Variants in SAMD12 observed in about 807,000 individuals in gnomAD.
SAMD12 encodes the protein sterile alpha motif domain-containing protein 12.
SAMD12 carries 9 observed loss-of-function variants against 15.0 expected under a neutral mutation model. The ratio of observed to expected loss-of-function variants is 0.60; its 90% CI spans 0.36 to 1.05. The LOEUF is 1.05. Ranked by LOEUF, SAMD12 falls within the 50% of genes least tolerant of loss-of-function variation. The pLI, the probability that SAMD12 is intolerant of heterozygous loss-of-function variation, is 0.01. For synonymous variants in SAMD12, 86 were observed against 90.1 expected, an observed-to-expected ratio of 0.96 and a Z score of 0.25; for missense variants, 230 against 234.2, an observed-to-expected ratio of 0.98 and a Z score of 0.12.
chr8:118,288,671 C>A (rs1814191547), intron 4 of SAMD12, among the ~76,000 whole-genome samples: 1 of 152,112 alleles, frequency 6.6e-6, no homozygotes, highest in Non-Finnish European at 1.5e-5. Flanking sequence ...GAAAAAATAA[C>A]TTTGAAGATG....
At chr8:118,401,023 TG>T (rs1259817294) in intron 3 of SAMD12, among the ~76,000 whole-genome samples, 3 of 152,258 alleles carry the variant, frequency 2.0e-5, no homozygotes, top group Non-Finnish European at 4.4e-5. Context: ...GTGCCTAAAC[TG>T]AACAATTAGA....
At chr8:118,262,144 C>CTTGTTGTT (rs1813095854) in intron 4 of SAMD12, among the ~76,000 whole-genome samples, 1 of 151,972 alleles carries the variant, frequency 6.6e-6, no homozygotes, top group African/African-American at 2.4e-5. Context: ...TGATCAACAG[C>CTTGTTGTT]CACTCACTAC....
At chr8:118,134,890 G>A in the SAMD12 span, among the ~76,000 whole-genome samples, 2 of 152,100 alleles carry the variant, frequency 1.3e-5, no homozygotes, top group Non-Finnish European at 2.9e-5. Context: ...GAGGTTGTAG[G>A]GCAGTGCCTC....
chr8:118,597,576 G>A (rs538881932), intron 1 of SAMD12, among the ~76,000 whole-genome samples: 8 of 152,308 alleles, frequency 5.3e-5, no homozygotes, highest in Admixed American at 3.9e-4. Context: ...CTGAAGTCTC[G>A]CCCTGCAGGC....
intron 4 of SAMD12, among the ~76,000 whole-genome samples, chr8:118,279,745 T>A (rs184700423): frequency 6.6e-4 from 100 of 152,370 alleles, no homozygotes; most frequent in Middle Eastern, 3.4e-3. Flanking sequence ...AATCTGGACA[T>A]GCATATTTGA....
intron 3 of SAMD12, among the ~76,000 whole-genome samples, chr8:118,431,799 T>C (rs569399690): frequency 5.3e-5 from 8 of 152,098 alleles, no homozygotes; most frequent in African/African-American, 1.9e-4. Context: ...GGTTCAATGT[T>C]TGTGATTAGT....
intron 2 of SAMD12, among the ~76,000 whole-genome samples, chr8:118,561,998 A>T (rs1402545067): frequency 6.6e-6 from 1 of 152,250 alleles, no homozygotes; most frequent in Non-Finnish European, 1.5e-5. Flanking sequence ...AAAGAAAAAA[A>T]TTAGAAAAAT....
At chr8:118,475,156 G>T (rs2515003) in intron 2 of SAMD12, among the ~76,000 whole-genome samples, 114,302 of 152,048 alleles carry the variant, frequency 0.75, 43,099 homozygotes, top group Middle Eastern at 0.82. Context: ...GGAGAATCAC[G>T]TGACCCTGGG....
chr8:118,173,223 C>T, the SAMD12 span, among the ~76,000 whole-genome samples: 1 of 152,172 alleles, frequency 6.6e-6, no homozygotes, highest in Non-Finnish European at 1.5e-5. Flanking sequence ...TGCCTTCCAT[C>T]CAAGTATTGA....
intron 4 of SAMD12, among the ~76,000 whole-genome samples, chr8:118,326,841 A>T (rs896779308): frequency 1.3e-5 from 2 of 152,172 alleles, no homozygotes; most frequent in Admixed American, 6.5e-5. Context: ...CTTTTGGGAC[A>T]GGGGGATGCC....
chr8:118,418,779 T>C (rs896698540), intron 3 of SAMD12, among the ~76,000 whole-genome samples: 2 of 151,326 alleles, frequency 1.3e-5, no homozygotes, highest in Non-Finnish European at 2.9e-5. Context: ...AGGACAAGGA[T>C]AGTTTTTCCA....
chr8:118,470,276 T>C (rs982209248), intron 2 of SAMD12, among the ~76,000 whole-genome samples: 38 of 151,866 alleles, frequency 2.5e-4, no homozygotes, highest in African/African-American at 5.6e-4. Flanking sequence ...AGGAGGTTTA[T>C]GTTCATGTAT....
At chr8:118,227,285 T>C (rs1210907418) in intron 4 of SAMD12, among the ~76,000 whole-genome samples, 2 of 152,038 alleles carry the variant, frequency 1.3e-5, no homozygotes, top group African/African-American at 4.8e-5. Flanking sequence ...AAATATCACA[T>C]CTTCTCACTT....
intron 3 of SAMD12, among the ~76,000 whole-genome samples, chr8:118,420,126 T>C (rs1821928957): frequency 6.6e-6 from 1 of 152,208 alleles, no homozygotes; most frequent in Non-Finnish European, 1.5e-5. Context: ...AGGTCTGTTT[T>C]CACTCTGGTG....
At chr8:118,148,292 G>A in the SAMD12 span, among the ~76,000 whole-genome samples, 11 of 150,636 alleles carry the variant, frequency 7.3e-5, no homozygotes, top group African/African-American at 2.2e-4. Flanking sequence ...TCAAACTCAT[G>A]GGTTCAAGAG....
intron 2 of SAMD12, among the ~76,000 whole-genome samples, chr8:118,537,949 C>A (rs1457622480): frequency 6.6e-6 from 1 of 152,090 alleles, no homozygotes; most frequent in Non-Finnish European, 1.5e-5. Flanking sequence ...GGAAGGCTTT[C>A]CAGGTATTGG....
chr8:118,405,143 C>G (rs530005958), intron 3 of SAMD12, among the ~76,000 whole-genome samples: 1 of 152,296 alleles, frequency 6.6e-6, no homozygotes, highest in African/African-American at 2.4e-5. Flanking sequence ...TCCTACAATA[C>G]TGGTCAAAGC....
chr8:118,551,315 T>G (rs934591188), intron 2 of SAMD12, among the ~76,000 whole-genome samples: 15 of 152,096 alleles, frequency 9.9e-5, no homozygotes, highest in Admixed American at 4.6e-4. Flanking sequence ...ACAGAAATTA[T>G]AACAAACTGT....
At chr8:118,473,730 G>A (rs905885454) in intron 2 of SAMD12, among the ~76,000 whole-genome samples, 5 of 151,996 alleles carry the variant, frequency 3.3e-5, no homozygotes, top group South Asian at 2.1e-4. Context: ...CCATTTCCTC[G>A]GCCTGGGAAG....
Sources: gnomAD v4.1 joint callset for allele counts (sites outside exome capture counted in the v4.1 genomes callset) on GRCh38, gnomAD v4.1.1 for gene constraint, MANE v1.5 for transcripts, NCBI Gene and HGNC (gene_info 2026-07-23, HGNC 2026-07-21) for gene names.